The following FNDC3A variants were observed in gnomAD, a reference collection of about 807,000 sequenced individuals.
FNDC3A encodes the protein fibronectin type-III domain-containing protein 3A.
FNDC3A carries 32 observed loss-of-function variants against 148.9 expected under a neutral mutation model. The ratio of observed to expected loss-of-function variants is 0.21; its 90% confidence interval spans 0.16 to 0.29. The LOEUF (loss-of-function observed/expected upper bound fraction) is 0.29, where lower values mean the gene tolerates loss of function less well. Ranked by LOEUF, FNDC3A falls within the 10% of genes least tolerant of loss-of-function variation. The pLI is 1.00. For synonymous variants in FNDC3A, 472 were observed against 473.6 expected (o/e 1.00, Z 0.04); for missense variants, 1,191 against 1,452.8 (o/e 0.82, Z 2.93).
intron 14 of FNDC3A, among the ~76,000 whole-genome samples, chr13:49,184,050 G>A (rs1885440777): frequency 6.6e-6 from 1 of 152,206 alleles, no homozygotes; most frequent in Non-Finnish European, 1.5e-5. Flanking sequence ...GGGTAAGAGA[G>A]AATGACTGGG....
rs145658008 is a variant in FNDC3A at position 49,175,405 on chromosome 13, G to A, written c.1394G>A (p.Cys465Tyr). 27 of 1,609,878 alleles carry A rather than the reference G, an allele frequency of 1.7e-5. No individual in the cohort carries two copies. Among genetic ancestry groups the A allele is most frequent in the Non-Finnish European group, 3.4e-6 (4 of 1,178,320 alleles). ...GAAGTCTTATATTACACCTCAGGCT[G>A]TGCTCCTTCTATGCCAGCAAGTCCT... is the stretch of plus-strand genomic sequence containing the variant. ...SEEVLYYTSG[C>Y]APSMPASPVL... Residue 465 changes from cysteine to tyrosine, a missense_variant, in exon 13 of 26, where the codon TGT (cysteine) becomes TAT (tyrosine). Cys to Tyr is a radical substitution (Grantham distance 194, BLOSUM62 -2). This residue lies in a region of FNDC3A where 751 missense variants were observed against 944.0 expected (regional missense o/e 0.80). Coordinates refer to ENST00000492622, the MANE Select transcript of FNDC3A (RefSeq NM_001079673.2).
chr13:49,198,750 A>C (rs188717366), intron 23 of FNDC3A, among the ~76,000 whole-genome samples, 176 bp downstream of exon 23: 50 of 152,340 alleles, frequency 3.3e-4, no homozygotes, highest in African/African-American at 1.0e-3. Flanking sequence ...TGGGCAAGAC[A>C]GTGAGACCTT....
At chr13:49,073,285 A>G (rs531926540) in intron 2 of FNDC3A, among the ~76,000 whole-genome samples, 3 of 152,214 alleles carry the variant, frequency 2.0e-5, no homozygotes, top group Admixed American at 6.5e-5. Context: ...CATACAAATC[A>G]TTAAAAACAC....
chr13:49,160,713 C>T (rs538984403), intron 8 of FNDC3A, among the ~76,000 whole-genome samples: 1 of 151,458 alleles, frequency 6.6e-6, no homozygotes, highest in African/African-American at 2.4e-5. Flanking sequence ...TGTGATGTTA[C>T]GGTGTCGATT....
chr13:49,066,178 A>G (rs1230001181), intron 2 of FNDC3A, among the ~76,000 whole-genome samples: 3 of 152,204 alleles, frequency 2.0e-5, no homozygotes, highest in African/African-American at 7.2e-5. Flanking sequence ...AAATTCTTAA[A>G]AAACTGTATT....
At chr13:49,122,410 C>T (rs937760698) in intron 4 of FNDC3A, among the ~76,000 whole-genome samples, 1 of 152,162 alleles carries the variant, frequency 6.6e-6, no homozygotes, top group Non-Finnish European at 1.5e-5. Context: ...TGGGCAAAAG[C>T]TGGAAGCATT....
chr13:49,025,032 T>A (rs1873600477), intron 2 of FNDC3A, among the ~76,000 whole-genome samples: 1 of 152,046 alleles, frequency 6.6e-6, no homozygotes, highest in Non-Finnish European at 1.5e-5. Flanking sequence ...TTGTGCTTGC[T>A]CCACATAGAT....
At chr13:48,997,550 A>G (rs1566180884) in intron 1 of FNDC3A, among the ~76,000 whole-genome samples, 1 of 152,066 alleles carries the variant, frequency 6.6e-6, no homozygotes, top group African/African-American at 2.4e-5. Context: ...TGGGGTCCCC[A>G]TGATCAGATT....
At chr13:49,066,892 C>G (rs1877303688) in intron 2 of FNDC3A, among the ~76,000 whole-genome samples, 1 of 152,062 alleles carries the variant, frequency 6.6e-6, no homozygotes, top group South Asian at 2.1e-4. Context: ...GCCCCTCCAC[C>G]AAACCCATTC....
Position 49,208,844 on chromosome 13 carries a change from A to G in FNDC3A, c.*1449A>G, listed in dbSNP as rs898780169. ...TGAGGTTGGCATTTTAGTGATTATT[A>G]AGCACTTCTGTCAGTCTTTGAAAAA... is the stretch of plus-strand genomic sequence containing the variant. On this transcript the variant is annotated 3_prime_UTR_variant, in exon 26 of 26. Transcript: ENST00000492622. 2 of 152,646 alleles carry G rather than the reference A, an allele frequency of 1.3e-5. No individual in the cohort carries two copies. The highest frequency in any genetic ancestry group is 2.9e-5 in the Non-Finnish European group (2 of 68,030). The allele number at this position is 152,646 out of a possible 1,614,324, so 9.5% of individuals were successfully genotyped here.
chr13:49,005,620 C>T (rs1009068779), intron 1 of FNDC3A, among the ~76,000 whole-genome samples: 1 of 151,854 alleles, frequency 6.6e-6, no homozygotes, highest in African/African-American at 2.4e-5. Flanking sequence ...TTACCCTAAT[C>T]CTGAGCAAAT....
At chr13:49,173,103 A>G (rs1884847144) in intron 11 of FNDC3A, among the ~76,000 whole-genome samples, 2 of 146,732 alleles carry the variant, frequency 1.4e-5, no homozygotes, top group South Asian at 4.1e-4. Flanking sequence ...CCTGGGCCGC[A>G]TGTGGCCCTT....
chr13:49,037,048 C>T lies in FNDC3A; in HGVS notation c.99+30759C>T, dbSNP rs140991305. On this transcript the variant is annotated intron_variant, in intron 2 of 25. Transcript: ENST00000492622. The stretch of plus-strand genomic sequence containing the variant: ...ATGAAAAGTAAAGAGTATGCAGATC[C>T]TGGACCAGTTGAGGAGAAATCTCAT... Among the ~76,000 whole-genome samples, 317 of 152,294 alleles carry T rather than the reference C, an allele frequency of 2.1e-3. 3 individuals are homozygous for T. Among genetic ancestry groups the T allele is most frequent in the African/African-American group, 7.2e-3 (301 of 41,550 alleles).
At chr13:49,003,273 C>A (rs1369324821) in intron 1 of FNDC3A, among the ~76,000 whole-genome samples, 1 of 152,050 alleles carries the variant, frequency 6.6e-6, no homozygotes, top group Non-Finnish European at 1.5e-5. Flanking sequence ...ACATGTTGGC[C>A]GTGCTGGTCT....
At chr13:49,160,922 A>T (rs1395448101) in intron 8 of FNDC3A, among the ~76,000 whole-genome samples, 1 of 152,076 alleles carries the variant, frequency 6.6e-6, no homozygotes, top group African/African-American at 2.4e-5. Flanking sequence ...CCATGTAGTT[A>T]TGCGGTTTTG....
Position 49,136,489 on chromosome 13 carries a change from T to C in FNDC3A, c.648T>C (p.Asn216=), listed in dbSNP as rs371235335. 1 of 1,613,796 alleles carries C rather than the reference T, an allele frequency of 6.2e-7. No homozygotes were observed. The highest frequency in any genetic ancestry group is 1.3e-5 in the African/African-American group (1 of 74,908). ...SSPQKCPSPI[N]EHNGLIKGQI... ...CCCAGAAATGCCCTTCTCCCATTAATGAACATAATGGACTTATAAAAGGAC... is the reference window on the plus strand; with the variant it reads ...CCCAGAAATGCCCTTCTCCCATTAACGAACATAATGGACTTATAAAAGGAC... The change falls in exon 6 of 26, where the codon AAT becomes AAC. Residue 216 remains asparagine (N), a synonymous_variant. Coordinates refer to ENST00000492622, the MANE Select transcript of FNDC3A (RefSeq NM_001079673.2).
chr13:49,051,312 G>A (rs983672116), intron 2 of FNDC3A, among the ~76,000 whole-genome samples: 22 of 152,030 alleles, frequency 1.4e-4, no homozygotes, highest in Admixed American at 3.9e-4. Flanking sequence ...TGTATTTTGC[G>A]GATTTGTTTC....
At chr13:49,071,712 A>G (rs921763424) in intron 2 of FNDC3A, among the ~76,000 whole-genome samples, 1 of 138,424 alleles carries the variant, frequency 7.2e-6, no homozygotes, top group Non-Finnish European at 1.6e-5. Flanking sequence ...GCCTATTTTT[A>G]AATCTGATTA....
intron 16 of FNDC3A, chr13:49,187,396 A>G (rs567360574): frequency 1.2e-5 from 11 of 910,892 alleles, no homozygotes; most frequent in South Asian, 9.6e-5. Flanking sequence ...AGTATGCCAT[A>G]TGAGTTCAAG....
Sources: gnomAD v4.1 joint callset for allele counts (sites outside exome capture counted in the v4.1 genomes callset) on GRCh38, gnomAD v4.1.1 for gene constraint, gnomAD v4.1.1 regional missense constraint, MANE v1.5 for transcripts, NCBI Gene and HGNC (gene_info 2026-07-23, HGNC 2026-07-21) for gene names.